SIM2: variants seen among roughly 807,000 people sequenced by gnomAD.
The protein encoded by SIM2 is single-minded homolog 2.
Under a neutral mutation model 64.8 loss-of-function variants are expected in SIM2, and 28 were observed. That is an observed-to-expected ratio of 0.43 (90% CI 0.32 to 0.59). The LOEUF is 0.59. Ranked by LOEUF, SIM2 falls within the 20% of genes least tolerant of loss-of-function variation. SIM2 has a pLI of 0.07. For missense variants in SIM2, 847 were observed against 871.4 expected, an observed-to-expected ratio of 0.97 and a Z score of 0.35; for synonymous variants, 408 against 391.1, an observed-to-expected ratio of 1.04 and a Z score of -0.51.
intron 3 of SIM2, among the ~76,000 whole-genome samples, chr21:36,713,812 A>G (rs527288679): frequency 1.2e-3 from 186 of 152,326 alleles, no homozygotes; most frequent in African/African-American, 4.1e-3. Context: ...CCAGATCCAC[A>G]TGGGTTTATG....
At position 36,747,681 on chromosome 21, in the gene SIM2, G is replaced by C; in HGVS notation, c.1593G>C (p.Val531=). ...TCCCCGCAGCGCCCGCCGCCGCCGTGCGCAGGTTCGGCGAGGACACCGCGC... is the reference window on the plus strand; with the variant it reads ...TCCCCGCAGCGCCCGCCGCCGCCGTCCGCAGGTTCGGCGAGGACACCGCGC... The part of the protein sequence containing the change: ...VPSYEAPAAA[V]RRFGEDTAPP... The change falls in exon 11 of 11, where the codon GTG becomes GTC. Residue 531 remains valine, a synonymous_variant. Coordinates refer to ENST00000290399, the MANE Select transcript of SIM2 (RefSeq NM_005069.6). The surrounding 1 kb of genome is among the most constrained non-coding windows in gnomAD (Gnocchi z 4.5). The C allele has an allele frequency of 1.6e-6, 2 of 1,269,910 alleles. No individual in the cohort carries two copies. Among genetic ancestry groups the C allele is most frequent in the Non-Finnish European group, 2.0e-6 (2 of 1,007,520 alleles). 78.7% of individuals were successfully genotyped at this position (1,269,910 alleles called of 1,614,324 possible). A position where few individuals can be genotyped will look rare whatever the true frequency, so the allele number is the denominator to read the frequency against.
chr21:36,716,962 A>G (rs1033329383), intron 3 of SIM2, among the ~76,000 whole-genome samples: 1 of 152,106 alleles, frequency 6.6e-6, no homozygotes, highest in Admixed American at 6.6e-5. Flanking sequence ...ATTTTGACTT[A>G]AGGTCAGGAC....
intron 10 of SIM2, among the ~76,000 whole-genome samples, chr21:36,746,878 C>G (rs1163638248): frequency 6.6e-6 from 1 of 152,214 alleles, no homozygotes; most frequent in Non-Finnish European, 1.5e-5. Flanking sequence ...TGACTTTTAC[C>G]ACTATTTTAA....
chr21:36,701,604 AG>A (rs2088498861), intron 1 of SIM2: 1 of 152,478 alleles, frequency 6.6e-6, no homozygotes, highest in South Asian at 2.1e-4. Flanking sequence ...CCTTCAGCCC[AG>A]GGCAGGTTCC....
intron 9 of SIM2, among the ~76,000 whole-genome samples, 198 bp from the exon 10 acceptor site, chr21:36,744,530 A>G (rs2089204082): frequency 6.6e-6 from 1 of 152,106 alleles, no homozygotes; most frequent in Admixed American, 6.5e-5. Flanking sequence ...GGGGTGGGGG[A>G]TCTCTTTCCA....
At chr21:36,721,802 AC>A (rs1359589212) in intron 4 of SIM2, among the ~76,000 whole-genome samples, 2 of 151,940 alleles carry the variant, frequency 1.3e-5, no homozygotes, top group African/African-American at 4.8e-5. Flanking sequence ...GTTTCATTTT[AC>A]CCTGCCTGGG....
intron 7 of SIM2, among the ~76,000 whole-genome samples, chr21:36,736,789 CTTTCTT>C (rs569037666): frequency 0.1 from 9,428 of 91,134 alleles, 859 homozygotes; most frequent in African/African-American, 0.3. Context: ...TCTTTTCCTT[CTTTCTT>C]TTTCTTTCTG....
intron 4 of SIM2, among the ~76,000 whole-genome samples, chr21:36,721,508 C>T (rs1035280678): frequency 6.6e-6 from 1 of 151,086 alleles, no homozygotes; most frequent in Non-Finnish European, 1.5e-5. Flanking sequence ...GGTGTGATCT[C>T]GGCTCACTGC....
Position 36,745,095 on chromosome 21 carries a change from C to T in SIM2, c.1535C>T (p.Pro512Leu), listed in dbSNP as rs144394618. 106 of 1,612,404 alleles carry T rather than the reference C, an allele frequency of 6.6e-5. No individual in the cohort carries two copies. Among genetic ancestry groups the T allele is most frequent in the Non-Finnish European group, 7.7e-5 (91 of 1,179,014 alleles). ...CCAGCTAAAAATCCTCCAGAGCCAC[C>T]GGCGAACACTGCTAGGCACAGCCTG... ...SSPAKNPPEP[P>L]ANTARHSLVP... The change falls in exon 10 of 11, where the codon CCG (proline) becomes CTG (leucine). Residue 512 changes from proline to leucine, a missense_variant. Around this residue, in one of 3 missense-constraint regions of SIM2, gnomAD observed 447 missense variants for 414.6 expected, o/e 1.08. Coordinates refer to ENST00000290399, the MANE Select transcript of SIM2 (RefSeq NM_005069.6). The surrounding 1 kb of genome is among the most constrained non-coding windows in gnomAD (Gnocchi z 4.8).
Position 36,722,248 on chromosome 21 carries a change from A to G in SIM2, c.458-797A>G, listed in dbSNP as rs117371855. On this transcript the variant is annotated intron_variant, in intron 4 of 10. Transcript: ENST00000290399. ...CCCAAAGACACCATCTGCAGGGGGA[A>G]TTGTGGGTAAAATATGGCAGCCTCT... is the stretch of plus-strand genomic sequence containing the variant. Among the ~76,000 whole-genome samples, 28 of 152,226 alleles carry G rather than the reference A, an allele frequency of 1.8e-4. 1 individual carries two copies. In the East Asian group the frequency reaches 5.2e-3, roughly 28 times the overall value.
intron 3 of SIM2, 60 bp from the exon 4 acceptor site, chr21:36,719,761 C>G: frequency 2.0e-6 from 2 of 1,010,524 alleles, no homozygotes; most frequent in Non-Finnish European, 3.2e-6. Flanking sequence ...CACCTTGCCC[C>G]TCCCCCTGCG....
intron 2 of SIM2, chr21:36,709,953 C>G (rs1227542421): frequency 6.2e-6 from 1 of 161,892 alleles, no homozygotes; most frequent in Middle Eastern, 2.9e-3. Context: ...TTCAGCCTCC[C>G]GAGTAGCCAG....
At chr21:36,708,613 G>A (rs1326938657) in intron 1 of SIM2, among the ~76,000 whole-genome samples, 3 of 152,224 alleles carry the variant, frequency 2.0e-5, no homozygotes, top group Non-Finnish European at 4.4e-5. Context: ...TGTGAGAGCT[G>A]GGAAGCCCAA....
chr21:36,702,487 G>A (rs909246026), intron 1 of SIM2, among the ~76,000 whole-genome samples: 10 of 152,240 alleles, frequency 6.6e-5, no homozygotes, highest in African/African-American at 1.7e-4. Flanking sequence ...CAGCTGCTCC[G>A]GGGCCTTGGC....
chr21:36,734,249 G>A (rs1046625541), intron 7 of SIM2, among the ~76,000 whole-genome samples: 1 of 152,122 alleles, frequency 6.6e-6, no homozygotes, highest in African/African-American at 2.4e-5. Context: ...TTTATTTGAG[G>A]GGTCTTCTGT....
chr21:36,745,113 A>G lies in SIM2; in HGVS notation c.1553A>G (p.His518Arg), dbSNP rs201246885. 34 of 1,611,832 alleles carry G rather than the reference A, an allele frequency of 2.1e-5. No homozygotes were observed. Among genetic ancestry groups the G allele is most frequent in the African/African-American group, 4.0e-5 (3 of 74,904 alleles). The change falls in exon 10 of 11, where the codon CAC becomes CGC. Residue 518 changes from histidine (H) to arginine (R), a missense_variant. His to Arg is a conservative substitution (Grantham distance 29). Coordinates refer to ENST00000290399, the MANE Select transcript of SIM2 (RefSeq NM_005069.6). This position sits in a 1 kb window ranked among gnomAD's most constrained non-coding sequence, Gnocchi z 4.8. ...GAGCCACCGGCGAACACTGCTAGGC[A>G]CAGCCTGGTGCCAAGCTACGAAGGT... Reference protein sequence around the residue: ...PPEPPANTARHSLVPSYEAPA... With the variant: ...PPEPPANTARRSLVPSYEAPA...
chr21:36,728,170 T>C (rs2088917800), intron 6 of SIM2, among the ~76,000 whole-genome samples: 1 of 152,190 alleles, frequency 6.6e-6, no homozygotes, highest in Non-Finnish European at 1.5e-5. Context: ...GGGAGCCACT[T>C]CTGAGAGGTG....
At chr21:36,722,524 C>T (rs566586213) in intron 4 of SIM2, among the ~76,000 whole-genome samples, 8 of 152,290 alleles carry the variant, frequency 5.3e-5, no homozygotes, top group African/African-American at 1.9e-4. Flanking sequence ...TTAGGGGACA[C>T]ATTTGCATTG....
At chr21:36,709,674 G>A in intron 2 of SIM2, 1 of 352,684 alleles carries the variant, frequency 2.8e-6, no homozygotes, top group Non-Finnish European at 5.5e-6. Context: ...GTGTGCAAGG[G>A]GCGCAAGGAC....
Sources: gnomAD v4.1 joint callset for allele counts (sites outside exome capture counted in the v4.1 genomes callset) on GRCh38, gnomAD v4.1.1 for gene constraint, gnomAD v4.1.1 regional missense constraint, Gnocchi (gnomAD v3.1) non-coding constraint, MANE v1.5 for transcripts, NCBI Gene and HGNC (gene_info 2026-07-23, HGNC 2026-07-21) for gene names.